Variants in TRPC4 observed in about 807,000 individuals in gnomAD.
TRPC4 encodes the protein transient receptor potential cation channel subfamily C member 4.
Under a neutral mutation model 99.4 loss-of-function variants are expected in TRPC4, and 49 were observed. That is an observed-to-expected ratio of 0.49 (90% CI 0.39 to 0.63). TRPC4 has a LOEUF of 0.63. TRPC4 is among the 20% of genes least tolerant of loss of function. TRPC4 has a pLI of 0.00. For synonymous variants in TRPC4, 454 were observed against 425.9 expected (o/e 1.07, Z -0.81); for missense variants, 898 against 1,152.9 (o/e 0.78, Z 3.20).
At chr13:37,809,424 A>G (rs1365485061) in intron 1 of TRPC4, among the ~76,000 whole-genome samples, 3 of 149,276 alleles carry the variant, frequency 2.0e-5, no homozygotes, top group African/African-American at 7.4e-5. Flanking sequence ...GATGGAAATC[A>G]TTACCAAAAG....
chr13:37,855,668 G>T (rs1443767695), intron 1 of TRPC4, among the ~76,000 whole-genome samples: 1 of 151,690 alleles, frequency 6.6e-6, no homozygotes, highest in Non-Finnish European at 1.5e-5. Context: ...AAAAATTGAG[G>T]TAATAGCAAG....
chr13:37,762,704 C>G (rs542520346), intron 2 of TRPC4, among the ~76,000 whole-genome samples: 2 of 110,582 alleles, frequency 1.8e-5, no homozygotes, highest in Admixed American at 2.7e-4. Flanking sequence ...ACATCACACT[C>G]TGGGGACTGT....
intron 1 of TRPC4, among the ~76,000 whole-genome samples, chr13:37,815,098 C>T (rs578166699): frequency 3.3e-5 from 5 of 151,806 alleles, no homozygotes; most frequent in Admixed American, 1.3e-4. Flanking sequence ...TTTCAATAAA[C>T]AGTGCTGAGA....
intron 8 of TRPC4, among the ~76,000 whole-genome samples, chr13:37,644,169 C>G (rs1447643844): frequency 6.6e-6 from 1 of 152,008 alleles, no homozygotes; most frequent in Non-Finnish European, 1.5e-5. Context: ...AATAGAACTA[C>G]CATCAGTTAT....
At chr13:37,651,148 G>T in intron 8 of TRPC4, 117 bp downstream of exon 8, 1 of 1,115,008 alleles carries the variant, frequency 9.0e-7, no homozygotes, top group Non-Finnish European at 1.3e-6. Flanking sequence ...AAATGTTCAT[G>T]ACATGCAATC....
chr13:37,715,520 T>C (rs1264690271), intron 3 of TRPC4, among the ~76,000 whole-genome samples: 1 of 152,188 alleles, frequency 6.6e-6, no homozygotes, highest in Non-Finnish European at 1.5e-5. Context: ...CTTATTACAG[T>C]ACCAGGTGCA....
chr13:37,676,203 C>A (rs1953042520), intron 4 of TRPC4, among the ~76,000 whole-genome samples: 1 of 150,602 alleles, frequency 6.6e-6, no homozygotes, highest in Non-Finnish European at 1.5e-5. Flanking sequence ...CACACCAAAC[C>A]GTGATGCATC....
intron 1 of TRPC4, among the ~76,000 whole-genome samples, chr13:37,820,197 A>T (rs1050786971): frequency 2.6e-5 from 4 of 152,068 alleles, no homozygotes; most frequent in African/African-American, 9.7e-5. Flanking sequence ...ACCCTAGAAG[A>T]AATGGATACA....
At chr13:37,785,548 G>A (rs150906727) in intron 1 of TRPC4, among the ~76,000 whole-genome samples, 51 of 152,048 alleles carry the variant, frequency 3.4e-4, no homozygotes, top group Middle Eastern at 6.8e-3. Flanking sequence ...GCTTGAGACT[G>A]GTGTTTGAAT....
At chr13:37,687,217 C>A (rs547662469) in intron 4 of TRPC4, among the ~76,000 whole-genome samples, 3 of 152,162 alleles carry the variant, frequency 2.0e-5, no homozygotes, top group African/African-American at 7.2e-5. Context: ...CCCACCTCAG[C>A]CTCCCAAAGT....
At chr13:37,665,473 A>C (rs1924308) in intron 5 of TRPC4, among the ~76,000 whole-genome samples, 148,892 of 152,226 alleles carry the variant, frequency 0.98, 72,892 homozygotes, top group East Asian at 1. Flanking sequence ...ACATTTAGCA[A>C]AATGCCCTGA....
In TRPC4 at chr13:37,845,813, C is replaced by T. The variant is rs1363517151; in HGVS notation, c.-28+23782G>A. On this transcript the variant is annotated intron_variant, in intron 1 of 10. Transcript: ENST00000379705. Reference sequence around the variant, plus strand: ...AAAGACAACAACATCCAGGTACAGGCATCTCAGTCACAGGTTGCCAATCAA... The same window carrying T: ...AAAGACAACAACATCCAGGTACAGGTATCTCAGTCACAGGTTGCCAATCAA... Among the ~76,000 whole-genome samples, 4 of 152,188 alleles carry T rather than the reference C, an allele frequency of 2.6e-5. No individual in the cohort carries two copies. In the East Asian group the frequency reaches 7.7e-4, roughly 29 times the overall value.
At chr13:37,846,137 G>A (rs1254029477) in intron 1 of TRPC4, among the ~76,000 whole-genome samples, 1 of 152,104 alleles carries the variant, frequency 6.6e-6, no homozygotes, top group East Asian at 1.9e-4. Context: ...AAAGCTAAGA[G>A]CATACATCAC....
chr13:37,715,543 GTTCT>G (rs1487874782), intron 3 of TRPC4, among the ~76,000 whole-genome samples: 1 of 152,164 alleles, frequency 6.6e-6, no homozygotes, highest in Non-Finnish European at 1.5e-5. Flanking sequence ...AATATTATTA[GTTCT>G]TTCCTTCTTC....
intron 3 of TRPC4, among the ~76,000 whole-genome samples, chr13:37,733,895 T>C (rs17056537): frequency 0.12 from 17,756 of 152,012 alleles, 1,151 homozygotes; most frequent in Admixed American, 0.18. Flanking sequence ...GATAATAAAA[T>C]TGTGATATAA....
chr13:37,696,039 G>A (rs1566103482), intron 3 of TRPC4, among the ~76,000 whole-genome samples: 1 of 152,332 alleles, frequency 6.6e-6, no homozygotes, highest in East Asian at 1.9e-4. Flanking sequence ...GCACTTTACA[G>A]AAGAGGTTTA....
At chr13:37,727,774 C>T (rs947037077) in intron 3 of TRPC4, among the ~76,000 whole-genome samples, 7 of 151,952 alleles carry the variant, frequency 4.6e-5, no homozygotes, top group African/African-American at 1.7e-4. Flanking sequence ...TGAACAGTCA[C>T]ATGCCAACAG....
chr13:37,697,432 A>G (rs546997371), intron 3 of TRPC4, among the ~76,000 whole-genome samples: 2 of 152,350 alleles, frequency 1.3e-5, no homozygotes, highest in East Asian at 3.9e-4. Context: ...AGATTTCGAC[A>G]GTGACAGCTT....
intron 5 of TRPC4, among the ~76,000 whole-genome samples, chr13:37,664,531 G>C (rs147372529): frequency 2.6e-5 from 4 of 151,548 alleles, no homozygotes; most frequent in Non-Finnish European, 5.9e-5. Context: ...CTGAGATCAC[G>C]CCATTGCACT....
Sources: gnomAD v4.1 joint callset for allele counts (sites outside exome capture counted in the v4.1 genomes callset) on GRCh38, gnomAD v4.1.1 for gene constraint, MANE v1.5 for transcripts, NCBI Gene and HGNC (gene_info 2026-07-23, HGNC 2026-07-21) for gene names.